CACNA1E: variants seen among roughly 807,000 people sequenced by gnomAD.
CACNA1E encodes calcium voltage-gated channel subunit alpha1 E.
In CACNA1E, 40 loss-of-function variants were observed where a neutral mutation model predicts 259.2. That is an observed-to-expected ratio of 0.15 (90% CI 0.12 to 0.20). CACNA1E has a LOEUF of 0.20. CACNA1E is among the 10% of genes least tolerant of loss of function. The pLI is 1.00. For synonymous variants in CACNA1E, 1,104 were observed against 1,138.5 expected, an observed-to-expected ratio of 0.97 and a Z score of 0.61; for missense variants, 1,874 against 3,040.1, an observed-to-expected ratio of 0.62 and a Z score of 9.02.
chr1:181,341,889 T>C (rs1652179692), intron 1 of CACNA1E, among the ~76,000 whole-genome samples: 1 of 152,212 alleles, frequency 6.6e-6, no homozygotes, highest in African/African-American at 2.4e-5. Context: ...TTCCAGGTGC[T>C]GAGAATGCAG....
At chr1:181,728,021 T>C (rs1165673061) in intron 18 of CACNA1E, among the ~76,000 whole-genome samples, 2 of 152,126 alleles carry the variant, frequency 1.3e-5, no homozygotes, top group African/African-American at 4.8e-5. Context: ...AAGAGAAAAA[T>C]TCCCTTCCAA....
intron 2 of CACNA1E, among the ~76,000 whole-genome samples, chr1:181,458,824 CCCAT>C (rs57607890): frequency 0.2 from 29,378 of 150,352 alleles, 2,975 homozygotes; most frequent in South Asian, 0.28. Flanking sequence ...CATTTATTTA[CCCAT>C]CCATCCATCC....
At position 181,758,143 on chromosome 1, in the gene CACNA1E, G is replaced by A. The variant is rs1466552820; in HGVS notation, c.4494+32G>A. The A allele has an allele frequency of 2.5e-6, 4 of 1,601,024 alleles. No homozygotes were observed. Among genetic ancestry groups the A allele is most frequent in the Non-Finnish European group, 3.4e-6 (4 of 1,171,244 alleles). On this transcript the variant is annotated intron_variant, in intron 31 of 47. Coordinates refer to ENST00000367573, the MANE Select transcript of CACNA1E (RefSeq NM_001205293.3). This position sits in a 1 kb window ranked among gnomAD's most constrained non-coding sequence, Gnocchi z 4.2. ...GGAGAGAGGCACAAGAGCCGACTGA[G>A]CCCCAGCGATGGTTCCCTCCCAGGG...
chr1:181,449,304 T>C (rs1358163875), intron 2 of CACNA1E, among the ~76,000 whole-genome samples: 1 of 152,218 alleles, frequency 6.6e-6, no homozygotes, highest in African/African-American at 2.4e-5. Flanking sequence ...CAGTACCAAC[T>C]CATGGAGGCT....
chr1:181,502,670 G>C (rs1665357082), intron 1 of CACNA1E, among the ~76,000 whole-genome samples: 1 of 152,138 alleles, frequency 6.6e-6, no homozygotes. Context: ...GGACTGGCCA[G>C]GGCTGTTTTT....
intron 1 of CACNA1E, among the ~76,000 whole-genome samples, chr1:181,490,303 A>G (rs1664198748): frequency 6.6e-6 from 1 of 152,118 alleles, no homozygotes; most frequent in Non-Finnish European, 1.5e-5. Context: ...GGTACTTCTT[A>G]GGAGCTTCCT....
At chr1:181,756,846 A>T in intron 29 of CACNA1E, 79 bp from the exon 30 acceptor site, 1 of 991,942 alleles carries the variant, frequency 1.0e-6, no homozygotes. Context: ...TCAGATAAAA[A>T]ATTATAATAG....
chr1:181,733,782 C>A (rs1655762981), intron 21 of CACNA1E, 32 bp downstream of exon 21: 1 of 1,456,254 alleles, frequency 6.9e-7, no homozygotes, highest in Non-Finnish European at 9.1e-7. Flanking sequence ...CCCTCCACCC[C>A]CAACTCCTAT....
At chr1:181,738,554 G>A (rs1255128450) in intron 24 of CACNA1E, 128 bp downstream of exon 24, 29 of 746,946 alleles carry the variant, frequency 3.9e-5, no homozygotes, top group East Asian at 1.2e-4. Context: ...AGCTTCTGCC[G>A]CCCCTTCTCT....
intron 2 of CACNA1E, among the ~76,000 whole-genome samples, chr1:181,477,246 T>C (rs1173266246): frequency 1.3e-5 from 2 of 151,642 alleles, no homozygotes; most frequent in South Asian, 2.1e-4. Flanking sequence ...CTCTTTTGTA[T>C]TCTTCCCTTT....
intron 6 of CACNA1E, among the ~76,000 whole-genome samples, chr1:181,646,670 C>A (rs61813175): frequency 0.026 from 3,901 of 152,250 alleles, 79 homozygotes; most frequent in Non-Finnish European, 0.036. Flanking sequence ...GGGGCTGGGC[C>A]CTGCCTGCAT....
chr1:181,532,146 T>G (rs1439156653), intron 3 of CACNA1E, among the ~76,000 whole-genome samples: 1 of 152,188 alleles, frequency 6.6e-6, no homozygotes, highest in African/African-American at 2.4e-5. Context: ...GTTTCTCCCT[T>G]CCTGTTTCAG....
intron 6 of CACNA1E, among the ~76,000 whole-genome samples, chr1:181,650,327 G>GT (rs1166649745): frequency 4.6e-5 from 7 of 152,220 alleles, no homozygotes; most frequent in African/African-American, 1.7e-4. Context: ...CTTTGGCCTT[G>GT]TTTTTCCAGT....
At chr1:181,321,787 C>T (rs190669106) in intron 1 of CACNA1E, among the ~76,000 whole-genome samples, 12 of 152,238 alleles carry the variant, frequency 7.9e-5, no homozygotes, top group East Asian at 3.9e-4. Context: ...AAGAGTACTG[C>T]GTGGGAGACT....
chr1:181,526,764 T>TGTGACAC (rs1667392369), intron 3 of CACNA1E, among the ~76,000 whole-genome samples: 1 of 152,204 alleles, frequency 6.6e-6, no homozygotes, highest in Non-Finnish European at 1.5e-5. Flanking sequence ...AGCAAGTTAT[T>TGTGACAC]TAACCTCTCA....
intron 1 of CACNA1E, among the ~76,000 whole-genome samples, chr1:181,493,476 G>C (rs1664489808): frequency 6.6e-6 from 1 of 152,152 alleles, no homozygotes; most frequent in Admixed American, 6.5e-5. Flanking sequence ...CTCTTCTGTT[G>C]TTAAAAAACT....
intron 1 of CACNA1E, among the ~76,000 whole-genome samples, chr1:181,353,169 C>T (rs1478332346): frequency 1.3e-5 from 2 of 152,148 alleles, no homozygotes; most frequent in Admixed American, 6.5e-5. Flanking sequence ...CTCCACTAAC[C>T]CTGATGGGCC....
At chr1:181,605,646 A>AC (rs954304042) in intron 6 of CACNA1E, among the ~76,000 whole-genome samples, 10 of 151,986 alleles carry the variant, frequency 6.6e-5, no homozygotes, top group African/African-American at 1.9e-4. Context: ...TATTTCTGAC[A>AC]CCCCCCAGCA....
chr1:181,644,222 A>G (rs533339833), intron 6 of CACNA1E, among the ~76,000 whole-genome samples: 1 of 152,322 alleles, frequency 6.6e-6, no homozygotes, highest in East Asian at 1.9e-4. Context: ...AGAGTTCTGG[A>G]ACTAAAGCAG....
Sources: gnomAD v4.1 joint callset for allele counts (sites outside exome capture counted in the v4.1 genomes callset) on GRCh38, gnomAD v4.1.1 for gene constraint, Gnocchi (gnomAD v3.1) non-coding constraint, MANE v1.5 for transcripts, NCBI Gene and HGNC (gene_info 2026-07-23, HGNC 2026-07-21) for gene names.